OLFM1: variants seen among roughly 807,000 people sequenced by gnomAD.
The protein encoded by OLFM1 is noelin.
OLFM1 carries 9 observed loss-of-function variants against 49.7 expected under a neutral mutation model. The ratio of observed to expected loss-of-function variants is 0.18; its 90% CI spans 0.11 to 0.32. OLFM1 has a LOEUF of 0.32. OLFM1 is among the 10% of genes least tolerant of loss of function. The pLI is 1.00. For missense variants in OLFM1, 369 were observed against 661.8 expected, an observed-to-expected ratio of 0.56 and a Z score of 4.85; for synonymous variants, 240 against 271.8, an observed-to-expected ratio of 0.88 and a Z score of 1.15.
upstream of OLFM1, among the ~76,000 whole-genome samples, chr9:135,083,229 C>A (rs1300822738): frequency 6.6e-6 from 1 of 152,138 alleles, no homozygotes; most frequent in African/African-American, 2.4e-5. Context: ...TTGTCTTGTC[C>A]CTGTTCTTCA....
chr9:135,103,254 G>A (rs1028467408), intron 4 of OLFM1, among the ~76,000 whole-genome samples: 5 of 152,206 alleles, frequency 3.3e-5, no homozygotes, highest in Non-Finnish European at 7.3e-5. Context: ...GGAGAGGGAC[G>A]CTTTCCTGAA....
intron 5 of OLFM1, among the ~76,000 whole-genome samples, chr9:135,115,681 G>A (rs1186686791): frequency 6.6e-6 from 1 of 152,224 alleles, no homozygotes; most frequent in African/African-American, 2.4e-5. Context: ...CTGGGCATGT[G>A]CAGTGCCCCC....
intron 1 of OLFM1, chr9:135,076,016 C>G: frequency 6.9e-7 from 1 of 1,445,044 alleles, no homozygotes; most frequent in South Asian, 1.5e-5. Context: ...GCTCCTCCAG[C>G]CCCGGCTCAG....
intron 1 of OLFM1, among the ~76,000 whole-genome samples, chr9:135,079,541 G>C (rs1830507497): frequency 6.6e-6 from 1 of 152,088 alleles, no homozygotes; most frequent in African/African-American, 2.4e-5. Context: ...GGAGGCAGAG[G>C]TTGCAGTGAG....
At chr9:135,084,892 C>T (rs533680920), upstream of OLFM1, among the ~76,000 whole-genome samples, 6 of 152,210 alleles carry the variant, frequency 3.9e-5, no homozygotes, top group East Asian at 1.9e-4. The surrounding 1 kb of genome is among the most constrained non-coding windows in gnomAD (Gnocchi z 4.6). Context: ...GTGTTGGTGT[C>T]GTCTGTGCCC....
At chr9:135,087,225 G>C, upstream of OLFM1, 1 of 1,406,170 alleles carries the variant, frequency 7.1e-7, no homozygotes, top group Non-Finnish European at 9.2e-7. Flanking sequence ...TGCCTGCTGG[G>C]TTTCAGGCGA....
chr9:135,104,773 C>T (rs529867948), intron 4 of OLFM1, among the ~76,000 whole-genome samples: 9 of 152,278 alleles, frequency 5.9e-5, no homozygotes, highest in East Asian at 5.8e-4. Context: ...CCCCAGCAGC[C>T]GGAGGGTGAG....
intron 2 of OLFM1, among the ~76,000 whole-genome samples, chr9:135,094,314 CAT>C (rs952313304): frequency 3.9e-5 from 6 of 152,242 alleles, no homozygotes; most frequent in African/African-American, 1.2e-4. Context: ...CCTAGGCAGA[CAT>C]TGTGCCAACA....
At chr9:135,116,543 G>A (rs537048897) in intron 5 of OLFM1, among the ~76,000 whole-genome samples, 126 of 152,222 alleles carry the variant, frequency 8.3e-4, no homozygotes, top group African/African-American at 1.9e-3. Flanking sequence ...GGGTCCCCGC[G>A]ATCAAGGGCT....
rs1413486143 is a variant in OLFM1 at position 135,087,783 on chromosome 9, G to A, written c.-207G>A. On this transcript the variant is annotated 5_prime_UTR_variant, in exon 1 of 6. Transcript: ENST00000371793. The stretch of plus-strand genomic sequence containing the variant: ...AGGGCGCGGCGGGCAGAGGCCACCT[G>A]GCCACCTTCCCTGGCGCCCGGGGAA... 5.0e-6 allele frequency: 3 copies of A among 602,246 alleles called. No individual in the cohort carries two copies. Among genetic ancestry groups the A allele is most frequent in the African/African-American group, 4.1e-5 (2 of 49,374 alleles). 37.3% of individuals were successfully genotyped at this position (602,246 alleles called of 1,614,324 possible). A position where few individuals can be genotyped will look rare whatever the true frequency, so the allele number is the denominator to read the frequency against.
At chr9:135,081,850 C>T (rs1677413018) in intron 1 of OLFM1, among the ~76,000 whole-genome samples, 1 of 152,188 alleles carries the variant, frequency 6.6e-6, no homozygotes, top group South Asian at 2.1e-4. Flanking sequence ...AACTGCCCGA[C>T]ACGTGCACCC....
At chr9:135,089,188 CATG>C (rs1462624953) in intron 1 of OLFM1, among the ~76,000 whole-genome samples, 1 of 152,228 alleles carries the variant, frequency 6.6e-6, no homozygotes, top group Admixed American at 6.5e-5. Context: ...GCGATTCCTC[CATG>C]ATGACTTTGT....
In OLFM1 at chr9:135,080,116, T is replaced by C. The variant is rs1235401590; in HGVS notation, c.96+4314T>C. ...TGAATCTGTTCCTCATCCCCCCATTTAGCTCATTCTAGAGCTGAAGACCTC... is the reference window on the plus strand; with the variant it reads ...TGAATCTGTTCCTCATCCCCCCATTCAGCTCATTCTAGAGCTGAAGACCTC... On this transcript the variant is annotated intron_variant, in intron 1 of 5. Coordinates refer to the OLFM1 transcript ENST00000252854. The surrounding 1 kb of genome is among the most constrained non-coding windows in gnomAD (Gnocchi z 4.5). 6.6e-6 allele frequency among the ~76,000 whole-genome samples: 1 copy of C among 151,542 alleles called. No individual in the cohort carries two copies. The highest frequency in any genetic ancestry group is 1.5e-5 in the Non-Finnish European group (1 of 67,944).
intron 5 of OLFM1, among the ~76,000 whole-genome samples, chr9:135,109,277 G>A (rs1830989331): frequency 1.3e-5 from 2 of 152,350 alleles, no homozygotes; most frequent in South Asian, 4.1e-4. Context: ...AGGATCTGGG[G>A]CTCCTGGAAG....
chr9:135,083,155 T>C (rs533995896), upstream of OLFM1, among the ~76,000 whole-genome samples: 4 of 152,218 alleles, frequency 2.6e-5, no homozygotes, highest in African/African-American at 9.6e-5. Context: ...AAGTAGGAAA[T>C]GATTATGTTT....
At chr9:135,111,274 A>G (rs1353163646) in intron 5 of OLFM1, among the ~76,000 whole-genome samples, 1 of 152,214 alleles carries the variant, frequency 6.6e-6, no homozygotes, top group African/African-American at 2.4e-5. Context: ...TTTCCGGCAA[A>G]GAAACCCTCA....
At chr9:135,087,628 C>A, upstream of OLFM1, 1 of 630,228 alleles carries the variant, frequency 1.6e-6, no homozygotes, top group Non-Finnish European at 2.3e-6. Flanking sequence ...CGAGCCCCGC[C>A]TCCCGGCCGC....
At chr9:135,077,404 G>T (rs922562406) in intron 1 of OLFM1, 1 of 799,120 alleles carries the variant, frequency 1.3e-6, no homozygotes, top group Non-Finnish European at 1.7e-6. Context: ...TCTCCTCTTT[G>T]TGTCTTTTTA....
intron 2 of OLFM1, among the ~76,000 whole-genome samples, chr9:135,093,861 A>G (rs1394031650): frequency 6.6e-6 from 1 of 152,252 alleles, no homozygotes; most frequent in Non-Finnish European, 1.5e-5. Context: ...AGGAAAGTGC[A>G]TTCAGGGTTA....
Sources: gnomAD v4.1 joint callset for allele counts (sites outside exome capture counted in the v4.1 genomes callset) on GRCh38, gnomAD v4.1.1 for gene constraint, Gnocchi (gnomAD v3.1) non-coding constraint, MANE v1.5 for transcripts, NCBI Gene and HGNC (gene_info 2026-07-23, HGNC 2026-07-21) for gene names.